RIMBP2: variants seen among roughly 807,000 people sequenced by gnomAD.
RIMBP2 encodes RIMS binding protein 2, also known as RIMS-binding protein 2.
RIMBP2 carries 48 observed loss-of-function variants against 118.6 expected under a neutral mutation model. The observed-to-expected ratio is 0.40, with a 90% confidence interval of 0.32 to 0.51. RIMBP2 has a LOEUF of 0.51. Ranked by LOEUF, RIMBP2 falls within the 20% of genes least tolerant of loss-of-function variation. The probability of loss-of-function intolerance (pLI) is 0.41; values close to 1 mark genes in which losing one functional copy is unlikely to be tolerated. For missense variants in RIMBP2, 1,551 were observed against 1,768.3 expected, an observed-to-expected ratio of 0.88 and a Z score of 2.20; for synonymous variants, 762 against 742.9, an observed-to-expected ratio of 1.03 and a Z score of -0.42.
At chr12:130,457,114 T>C (rs139254632) in intron 6 of RIMBP2, among the ~76,000 whole-genome samples, 441 of 152,282 alleles carry the variant, frequency 2.9e-3, no homozygotes, top group Non-Finnish European at 4.7e-3. Flanking sequence ...TGTTTGGAAC[T>C]TGGAGTATGA....
At chr12:130,562,928 G>A (rs951160630) in intron 2 of RIMBP2, among the ~76,000 whole-genome samples, 1 of 152,224 alleles carries the variant, frequency 6.6e-6, no homozygotes, top group Non-Finnish European at 1.5e-5. Flanking sequence ...GTAACTCACT[G>A]TGCATTTAAT....
At chr12:130,486,760 C>G (rs555048310) in intron 4 of RIMBP2, among the ~76,000 whole-genome samples, 5 of 152,216 alleles carry the variant, frequency 3.3e-5, no homozygotes, top group East Asian at 1.9e-4. Flanking sequence ...AAACTCCCCC[C>G]ACCCATGTCT....
rs137949629 is a variant in RIMBP2 at position 130,596,589 on chromosome 12, C to G, written c.-217+31733G>C. 5.5e-3 allele frequency among the ~76,000 whole-genome samples: 833 copies of G among 152,324 alleles called. 6 individuals are homozygous for G. Among genetic ancestry groups the G allele is most frequent in the Non-Finnish European group, 9.1e-3 (622 of 68,036 alleles). ...CACACAATGCCGAAGCCTAGAGCCA[C>G]TGAATACACAGCAAAGAGGGTTTTC... is the stretch of plus-strand genomic sequence containing the variant. On this transcript the variant is annotated intron_variant, in intron 2 of 22. Coordinates refer to ENST00000690449, the MANE Select transcript of RIMBP2 (RefSeq NM_001393629.1).
intron 6 of RIMBP2, among the ~76,000 whole-genome samples, chr12:130,466,598 A>G (rs1370101230): frequency 6.6e-6 from 1 of 152,216 alleles, no homozygotes; most frequent in East Asian, 1.9e-4. Context: ...GAACCGTGTC[A>G]GCAAACCTGG....
intron 1 of RIMBP2, among the ~76,000 whole-genome samples, chr12:130,685,124 C>G (rs2064981032): frequency 6.6e-6 from 1 of 152,218 alleles, no homozygotes; most frequent in Admixed American, 6.5e-5. Flanking sequence ...GCCACCCTCT[C>G]TTATCTCCCC....
rs1425304853 is a variant in RIMBP2 at position 130,396,883 on chromosome 12, TAGAC to T, written c.*474_*477del. ...CATACAAAGTATACACTGTTTTTAT[TAGAC>T]AGTACAAATCATTGTGCATTTATAA... On this transcript the variant is annotated 3_prime_UTR_variant, in exon 23 of 23. Transcript: ENST00000690449. The T allele has an allele frequency of 1.3e-5, 2 of 152,680 alleles. No homozygotes were observed. The highest frequency in any genetic ancestry group is 2.9e-5 in the Non-Finnish European group (2 of 68,084). 9.5% of individuals were successfully genotyped at this position (152,680 alleles called of 1,614,324 possible). A position where few individuals can be genotyped will look rare whatever the true frequency, so the allele number is the denominator to read the frequency against.
In RIMBP2 at chr12:130,650,958, T is replaced by TTAAA. The variant is rs1555318449; in HGVS notation, c.-351-22503_-351-22502insTTTA. Among the ~76,000 whole-genome samples the TTAAA allele has an allele frequency of 5.6e-3, 697 of 125,570 alleles. 5 individuals carry two copies. The highest frequency in any genetic ancestry group is 0.019 in the African/African-American group (648 of 33,856). The allele number at this position is 125,570 out of a possible 152,430, so 82.4% of individuals were successfully genotyped here. On this transcript the variant is annotated intron_variant, in intron 1 of 22. Transcript: ENST00000690449. The stretch of plus-strand genomic sequence containing the variant: ...AAAATTTACACAGCCTTGTTTTTTT[T>TTAAA]AAAAAAAAAAAAAAAAAAGAAAGAA...
chr12:130,617,904 T>C lies in RIMBP2; in HGVS notation c.-217+10418A>G, dbSNP rs2061046037. ...GAACTGGGAGATTCTTAGAAACATC[T>C]AACTCGGCCGGGTGTGGTGGCCCAC... On this transcript the variant is annotated intron_variant, in intron 2 of 22. Coordinates refer to ENST00000690449, the MANE Select transcript of RIMBP2 (RefSeq NM_001393629.1). This position sits in a 1 kb window ranked among gnomAD's most constrained non-coding sequence, Gnocchi z 4.6. 6.6e-6 allele frequency among the ~76,000 whole-genome samples: 1 copy of C among 151,626 alleles called. No individual in the cohort carries two copies. Among genetic ancestry groups the C allele is most frequent in the Non-Finnish European group, 1.5e-5 (1 of 67,922 alleles).
At position 130,434,298 on chromosome 12, in the gene RIMBP2, G is replaced by A. The variant is rs543205326; in HGVS notation, c.2253+436C>T. Among the ~76,000 whole-genome samples the A allele has an allele frequency of 3.2e-4, 48 of 152,278 alleles. No individual in the cohort carries two copies. The highest frequency in any genetic ancestry group is 5.1e-4 in the Non-Finnish European group (35 of 68,028). On this transcript the variant is annotated intron_variant, in intron 14 of 22. Transcript: ENST00000690449. The surrounding 1 kb of genome is among the most constrained non-coding windows in gnomAD (Gnocchi z 5.7). ...TCTTCCTCATGAGCCCAGCTCTGCC[G>A]TTTTGCTGTTCTGAAGGACGAACAC...
intron 2 of RIMBP2, among the ~76,000 whole-genome samples, chr12:130,577,708 T>C (rs775805053): frequency 9.2e-5 from 14 of 152,124 alleles, no homozygotes; most frequent in Non-Finnish European, 1.6e-4. Context: ...TTGCTATTAT[T>C]ATCATCATTA....
intron 2 of RIMBP2, among the ~76,000 whole-genome samples, chr12:130,534,623 TATGGAAGCC>T (rs1462215155): frequency 5.9e-5 from 9 of 152,240 alleles, no homozygotes. Flanking sequence ...AATCCTTCTC[TATGGAAGCC>T]ATCCTGGTGT....
At chr12:130,455,136 G>T (rs1479719226) in intron 7 of RIMBP2, among the ~76,000 whole-genome samples, 1 of 152,262 alleles carries the variant, frequency 6.6e-6, no homozygotes, top group East Asian at 1.9e-4. Flanking sequence ...CACGGAGTGG[G>T]GCTCTGTGTG....
At position 130,704,948 on chromosome 12, in the gene RIMBP2, C is replaced by G. The variant is rs141022733; in HGVS notation, c.-352+11274G>C. 3.6e-3 allele frequency among the ~76,000 whole-genome samples: 549 copies of G among 152,276 alleles called. 5 individuals are homozygous for G. The highest frequency in any genetic ancestry group is 0.013 in the African/African-American group (527 of 41,570). On this transcript the variant is annotated intron_variant, in intron 1 of 22. Transcript: ENST00000690449. ...TACCCTCCTGTGCTCGTTTCCTGGG[C>G]TGCCATGACAAATGACAAAAAACTG...
intron 2 of RIMBP2, among the ~76,000 whole-genome samples, chr12:130,556,741 C>A (rs1384052060): frequency 6.6e-6 from 1 of 152,150 alleles, no homozygotes; most frequent in Non-Finnish European, 1.5e-5. Flanking sequence ...ATTGGCCAAG[C>A]CCAAATGGAA....
In RIMBP2 at chr12:130,521,071, G is replaced by T. The variant is rs556621820; in HGVS notation, c.-216-3154C>A. On this transcript the variant is annotated intron_variant, in intron 2 of 22. Transcript: ENST00000690449. ...GACATGCATGTGTTTGCAGGCCTTGGGGGGGAAATCAGAAAATGCCTACCT... is the reference window on the plus strand; with the variant it reads ...GACATGCATGTGTTTGCAGGCCTTGTGGGGGAAATCAGAAAATGCCTACCT... Among the ~76,000 whole-genome samples the T allele has an allele frequency of 3.3e-5, 5 of 152,266 alleles. No homozygotes were observed. The South Asian group carries it at 8.3e-4, about 25-fold the overall frequency.
chr12:130,707,480 G>A (rs1406514438), intron 1 of RIMBP2, among the ~76,000 whole-genome samples: 1 of 152,168 alleles, frequency 6.6e-6, no homozygotes, highest in Non-Finnish European at 1.5e-5. Context: ...TTTGAGCAGA[G>A]CCCTGAACAA....
At chr12:130,466,851 T>A (rs1275293252) in intron 6 of RIMBP2, among the ~76,000 whole-genome samples, 1 of 152,232 alleles carries the variant, frequency 6.6e-6, no homozygotes, top group Non-Finnish European at 1.5e-5. Context: ...TTCTGCCCTA[T>A]TATTTATGCA....
chr12:130,677,620 A>G (rs2064555680), intron 1 of RIMBP2, among the ~76,000 whole-genome samples: 1 of 151,916 alleles, frequency 6.6e-6, no homozygotes. Flanking sequence ...AGAGCGGAAC[A>G]CTGTCTCAAA....
At chr12:130,468,443 G>A (rs946264086) in intron 6 of RIMBP2, among the ~76,000 whole-genome samples, 14 of 152,218 alleles carry the variant, frequency 9.2e-5, no homozygotes, top group East Asian at 3.9e-4. Context: ...CTGCTGCCCC[G>A]GGGAACCCAC....
Sources: allele counts gnomAD v4.1 joint callset (sites outside exome capture counted in the v4.1 genomes callset), GRCh38; gene constraint gnomAD v4.1.1; non-coding constraint Gnocchi (gnomAD v3.1); transcripts MANE v1.5; gene names NCBI Gene and HGNC (gene_info 2026-07-23, HGNC 2026-07-21).